The following MACROD2 variants were observed in gnomAD, a reference collection of about 807,000 sequenced individuals.
MACROD2 encodes ADP-ribose glycohydrolase MACROD2.
A neutral mutation model predicts 70.4 loss-of-function variants in MACROD2; 36 were observed. That is an observed-to-expected ratio of 0.51 (90% confidence interval 0.39 to 0.68). The LOEUF (loss-of-function observed/expected upper bound fraction) is 0.68, where lower values mean the gene tolerates loss of function less well. Among genes scored for constraint, MACROD2 ranks in the 30% least tolerant of loss-of-function variants. The pLI is 0.00. For synonymous variants in MACROD2, 172 were observed against 178.8 expected (o/e 0.96, Z 0.30); for missense variants, 496 against 538.4 (o/e 0.92, Z 0.78).
chr20:14,220,158 A>T (rs1322388938), intron 3 of MACROD2, among the ~76,000 whole-genome samples: 2 of 151,952 alleles, frequency 1.3e-5, no homozygotes, highest in African/African-American at 4.8e-5. Flanking sequence ...CTGGGAGTGG[A>T]ACTAGGTGTG....
rs377192930 is a variant in MACROD2 at position 14,121,843 on chromosome 20, G to C, written c.271+36115G>C. On this transcript the variant is annotated intron_variant, in intron 3 of 17. Transcript: ENST00000684519. ...TTAACAAAATATTGATCTTTTATTG[G>C]TATGAAAACATCTTGGTTGTTAAAT... is the stretch of plus-strand genomic sequence containing the variant. Among the ~76,000 whole-genome samples the C allele has an allele frequency of 3.9e-5, 6 of 152,044 alleles. No individual in the cohort carries two copies. The East Asian group carries it at 1.2e-3, about 29-fold the overall frequency.
Position 15,125,075 on chromosome 20 carries a change from A to G in MACROD2, c.419-104865A>G, listed in dbSNP as rs374091345. 9.1e-4 allele frequency among the ~76,000 whole-genome samples: 139 copies of G among 152,220 alleles called. 2 individuals are homozygous for G. The South Asian group carries it at 0.028, about 30-fold the overall frequency. ...ATAATGTGGTTTTCCACCTTTCACTATTATACCGCTTTTGTGAAATATTTT... is the reference window on the plus strand; with the variant it reads ...ATAATGTGGTTTTCCACCTTTCACTGTTATACCGCTTTTGTGAAATATTTT... On this transcript the variant is annotated intron_variant, in intron 5 of 17. Transcript: ENST00000684519.
At chr20:14,968,029 A>C (rs931434917) in intron 5 of MACROD2, among the ~76,000 whole-genome samples, 1 of 152,106 alleles carries the variant, frequency 6.6e-6, no homozygotes, top group African/African-American at 2.4e-5. Flanking sequence ...GACAACTCTA[A>C]ATTTTAAGTT....
At chr20:16,028,457 G>GA (rs2067110170) in intron 15 of MACROD2, among the ~76,000 whole-genome samples, 1 of 151,272 alleles carries the variant, frequency 6.6e-6, no homozygotes, top group African/African-American at 2.4e-5. Flanking sequence ...GATGACTGAT[G>GA]AAGCATTTCC....
chr20:15,368,322 A>G (rs551610953), intron 6 of MACROD2, among the ~76,000 whole-genome samples: 1 of 151,870 alleles, frequency 6.6e-6, no homozygotes, highest in South Asian at 2.1e-4. Context: ...AGTAATTTGT[A>G]ATGCCATTAT....
At chr20:15,213,764 T>C (rs1481349894) in intron 5 of MACROD2, among the ~76,000 whole-genome samples, 3 of 152,156 alleles carry the variant, frequency 2.0e-5, no homozygotes, top group Admixed American at 6.5e-5. Flanking sequence ...ATCTCTCAGA[T>C]AGGCCCATAG....
chr20:14,578,064 T>C (rs2123338182), intron 4 of MACROD2, among the ~76,000 whole-genome samples: 1 of 152,066 alleles, frequency 6.6e-6, no homozygotes, highest in East Asian at 1.9e-4. Flanking sequence ...CTTGCCACCT[T>C]CTTACAATTT....
At chr20:14,878,547 T>C (rs971846778) in intron 5 of MACROD2, among the ~76,000 whole-genome samples, 1 of 152,156 alleles carries the variant, frequency 6.6e-6, no homozygotes, top group Non-Finnish European at 1.5e-5. Flanking sequence ...AGAGATAGAC[T>C]CAGGATAGGG....
chr20:14,054,332 AG>A (rs1302729758), intron 2 of MACROD2, among the ~76,000 whole-genome samples: 1 of 151,952 alleles, frequency 6.6e-6, no homozygotes, highest in African/African-American at 2.4e-5. Flanking sequence ...GGGAGCTCCA[AG>A]AGGGGAGTTT....
At chr20:15,097,593 T>C (rs2075843489) in intron 5 of MACROD2, among the ~76,000 whole-genome samples, 1 of 152,142 alleles carries the variant, frequency 6.6e-6, no homozygotes, top group Non-Finnish European at 1.5e-5. Context: ...AAGTGAACAA[T>C]ACAATTCAAT....
chr20:15,520,843 T>A (rs1311686703), intron 8 of MACROD2, among the ~76,000 whole-genome samples: 2 of 152,212 alleles, frequency 1.3e-5, no homozygotes, highest in East Asian at 3.9e-4. Flanking sequence ...CTTAACAACA[T>A]CCACACATTC....
At chr20:15,582,186 G>C (rs1374732475) in intron 8 of MACROD2, among the ~76,000 whole-genome samples, 1 of 151,998 alleles carries the variant, frequency 6.6e-6, no homozygotes. Context: ...GCTCACGGGA[G>C]TCTTGCCTGT....
chr20:15,802,677 A>G (rs1405609636), intron 8 of MACROD2, among the ~76,000 whole-genome samples: 2 of 152,186 alleles, frequency 1.3e-5, no homozygotes, highest in African/African-American at 4.8e-5. Context: ...TCCGAGCACA[A>G]CTAACTGAAA....
At chr20:14,811,395 C>G (rs2072709052) in intron 5 of MACROD2, among the ~76,000 whole-genome samples, 2 of 152,040 alleles carry the variant, frequency 1.3e-5, no homozygotes, top group African/African-American at 2.4e-5. Context: ...ATGCAGAAAA[C>G]TGAAACTGGA....
intron 5 of MACROD2, among the ~76,000 whole-genome samples, chr20:14,874,336 C>CT: frequency 7.1e-6 from 1 of 139,896 alleles, no homozygotes; most frequent in Admixed American, 7.3e-5. Context: ...AGGTGCTGTC[C>CT]TTTTTTAAGA....
intron 8 of MACROD2, among the ~76,000 whole-genome samples, chr20:15,851,014 T>G (rs114527637): frequency 0.025 from 3,834 of 152,192 alleles, 140 homozygotes; most frequent in African/African-American, 0.085. Flanking sequence ...CATGTGTGAT[T>G]GGCTGCTGCC....
At chr20:14,102,414 T>G (rs1473504087) in intron 3 of MACROD2, among the ~76,000 whole-genome samples, 1 of 152,162 alleles carries the variant, frequency 6.6e-6, no homozygotes. Flanking sequence ...GACTTCTTAA[T>G]TTGGGATAAC....
At chr20:14,581,596 C>G (rs1396728950) in intron 4 of MACROD2, among the ~76,000 whole-genome samples, 1 of 152,176 alleles carries the variant, frequency 6.6e-6, no homozygotes, top group Non-Finnish European at 1.5e-5. Flanking sequence ...ATTACTTTTA[C>G]ATTATTTAAA....
chr20:15,737,314 A>G (rs1569000450), intron 8 of MACROD2, among the ~76,000 whole-genome samples: 1 of 152,214 alleles, frequency 6.6e-6, no homozygotes, highest in South Asian at 2.1e-4. Context: ...TCAAGATGTG[A>G]GTTATACATC....
Sources: allele counts gnomAD v4.1 joint callset (sites outside exome capture counted in the v4.1 genomes callset), GRCh38; gene constraint gnomAD v4.1.1; transcripts MANE v1.5; gene names NCBI Gene and HGNC (gene_info 2026-07-23, HGNC 2026-07-21).